Variants in TXNDC12 observed in about 807,000 individuals in gnomAD.
TXNDC12 encodes thioredoxin domain-containing protein 12.
Under a neutral mutation model 24.2 loss-of-function variants are expected in TXNDC12, and 22 were observed. That is an observed-to-expected ratio of 0.91 (90% CI 0.65 to 1.30). TXNDC12 has a LOEUF of 1.30. Ranked by LOEUF, TXNDC12 falls within the 50% of genes most tolerant of loss-of-function variation. TXNDC12 has a pLI of 0.00. For synonymous variants in TXNDC12, 58 were observed against 73.4 expected, an observed-to-expected ratio of 0.79 and a Z score of 1.07; for missense variants, 184 against 205.8, an observed-to-expected ratio of 0.89 and a Z score of 0.65.
In TXNDC12 at chr1:52,041,489, C is replaced by T. The variant is rs115176881; in HGVS notation, c.158+48G>A. 7.3e-3 allele frequency: 10,045 copies of T among 1,370,828 alleles called. 218 individuals are homozygous for T. The highest frequency in any genetic ancestry group is 0.052 in the South Asian group (4,319 of 83,146). The allele number at this position is 1,370,828 out of a possible 1,614,324, so 84.9% of individuals were successfully genotyped here. On this transcript the variant is annotated intron_variant, in intron 2 of 6. Transcript: ENST00000371626. The stretch of plus-strand genomic sequence containing the variant: ...CCTGAAATTAACGTTAAGTTGATAG[C>T]TGAAAAGTGTTTTACCACCATAAAT...
intron 2 of TXNDC12, chr1:52,033,775 G>T: frequency 1.3e-6 from 2 of 1,560,892 alleles, no homozygotes; most frequent in South Asian, 1.2e-5. Flanking sequence ...CTCAGGGAGC[G>T]ACCATTGGCA....
chr1:52,027,127 G>A (rs2124361321), intron 4 of TXNDC12, 148 bp downstream of exon 4: 1 of 542,926 alleles, frequency 1.8e-6, no homozygotes, highest in East Asian at 3.1e-5. Context: ...CATATCTGAT[G>A]CAAGCCTTAG....
At position 52,020,688 on chromosome 1, in the gene TXNDC12, T is replaced by C; in HGVS notation, c.*245A>G. On this transcript the variant is annotated 3_prime_UTR_variant, in exon 7 of 7. Transcript: ENST00000371626. ...AGAAGGTTTCATTCTTTACATTCAA[T>C]GACAAGTTGACATTTAGGTGAGAGG... 2.1e-6 allele frequency: 1 copy of C among 475,650 alleles called. No homozygotes were observed. The highest frequency in any genetic ancestry group is 3.8e-5 in the South Asian group (1 of 26,310). 29.5% of individuals were successfully genotyped at this position (475,650 alleles called of 1,614,324 possible).
chr1:52,037,220 T>A (rs979950104), intron 2 of TXNDC12, among the ~76,000 whole-genome samples: 2 of 150,990 alleles, frequency 1.3e-5, no homozygotes, highest in East Asian at 3.9e-4. Context: ...TTTTTTTTTT[T>A]TTTTTTTTTG....
chr1:52,022,377 C>T (rs557251862), intron 6 of TXNDC12, among the ~76,000 whole-genome samples: 13 of 152,278 alleles, frequency 8.5e-5, no homozygotes, highest in Admixed American at 3.9e-4. Flanking sequence ...GACTGGCTGA[C>T]GATTGCAAAC....
chr1:52,024,999 A>G (rs908478374), intron 4 of TXNDC12, among the ~76,000 whole-genome samples: 2 of 152,158 alleles, frequency 1.3e-5, no homozygotes, highest in African/African-American at 4.8e-5. Context: ...ATTTACCACC[A>G]TCTGACATAT....
chr1:52,037,869 G>C (rs1557995151), intron 2 of TXNDC12, among the ~76,000 whole-genome samples: 1 of 151,912 alleles, frequency 6.6e-6, no homozygotes, highest in Non-Finnish European at 1.5e-5. Flanking sequence ...CAAAAGAGTA[G>C]AGTTAGCCTG....
At chr1:52,039,735 G>C (rs1158111185) in intron 2 of TXNDC12, among the ~76,000 whole-genome samples, 1 of 152,124 alleles carries the variant, frequency 6.6e-6, no homozygotes, top group Non-Finnish European at 1.5e-5. Context: ...CACAATACTT[G>C]AGTTCACCTC....
chr1:52,044,965 ACT>A (rs1686062316), intron 1 of TXNDC12, among the ~76,000 whole-genome samples: 1 of 150,094 alleles, frequency 6.7e-6, no homozygotes, highest in African/African-American at 2.5e-5. Context: ...ACAGAGCAAG[ACT>A]CTGTCTCAAA....
chr1:52,022,459 G>C (rs1685611277), intron 6 of TXNDC12, among the ~76,000 whole-genome samples: 1 of 151,926 alleles, frequency 6.6e-6, no homozygotes, highest in South Asian at 2.1e-4. Context: ...TACTGACAAG[G>C]TCTTATTCTC....
intron 5 of TXNDC12, 68 bp from the exon 6 acceptor site, chr1:52,023,642 G>T: frequency 6.7e-6 from 8 of 1,192,712 alleles, no homozygotes; most frequent in Non-Finnish European, 1.0e-5. Context: ...AACACTACCT[G>T]GTACATCGGG....
Position 52,023,566 on chromosome 1 carries a change from C to G in TXNDC12, c.364G>C (p.Gly122Arg). Residue 122 changes from glycine (G) to arginine (R), a missense_variant, in exon 6 of 7, where the codon GGC (glycine) becomes CGC (arginine). Transcript: ENST00000371626. ...IPRILFLDPS[G>R]KVHPEIINEN... The stretch of plus-strand genomic sequence containing the variant: ...TTGATGATTTCAGGATGCACCTTGC[C>G]ACTGGGATCTGTTATAGACAAAATG... 1.2e-5 allele frequency: 20 copies of G among 1,613,622 alleles called. No individual in the cohort carries two copies. Among genetic ancestry groups the G allele is most frequent in the Non-Finnish European group, 1.7e-5 (20 of 1,179,636 alleles).
At chr1:52,047,710 C>G (rs773611770) in intron 1 of TXNDC12, among the ~76,000 whole-genome samples, 3 of 151,878 alleles carry the variant, frequency 2.0e-5, no homozygotes, top group Admixed American at 6.6e-5. Flanking sequence ...TGAGGCCAGT[C>G]TGGGCAACAG....
At chr1:52,051,083 C>T (rs747726767) in intron 1 of TXNDC12, 1 of 169,030 alleles carries the variant, frequency 5.9e-6, no homozygotes, top group African/African-American at 2.4e-5. Flanking sequence ...AAACATTGTC[C>T]ATCTCATAGG....
At chr1:52,037,418 G>A (rs1207638891) in intron 2 of TXNDC12, among the ~76,000 whole-genome samples, 1 of 152,004 alleles carries the variant, frequency 6.6e-6, no homozygotes, top group Non-Finnish European at 1.5e-5. Context: ...CTCCGTGTTG[G>A]TCAGGCTGGT....
intron 1 of TXNDC12, among the ~76,000 whole-genome samples, chr1:52,050,635 T>C (rs939489032): frequency 2.0e-5 from 3 of 152,206 alleles, no homozygotes; most frequent in African/African-American, 7.2e-5. Context: ...GGGAACACTG[T>C]ACCTGAGACA....
At chr1:52,052,471 C>T (rs1686231764) in intron 1 of TXNDC12, 1 of 169,492 alleles carries the variant, frequency 5.9e-6, no homozygotes, top group Non-Finnish European at 1.5e-5. Flanking sequence ...TGCATTTCCA[C>T]CTTGTTCTCT....
In TXNDC12 at chr1:52,040,489, T is replaced by C. The variant is rs548549793; in HGVS notation, c.158+1048A>G. ...GGCATGAGCCACCGCACCCAGCCAG[T>C]GTGCAGAAGTTTTGATAAATTTTAA... On this transcript the variant is annotated intron_variant, in intron 2 of 6. Coordinates refer to ENST00000371626, the MANE Select transcript of TXNDC12 (RefSeq NM_015913.4). Among the ~76,000 whole-genome samples, 63 of 152,248 alleles carry C rather than the reference T, an allele frequency of 4.1e-4. 2 individuals carry two copies. Among genetic ancestry groups the C allele is most frequent in the Admixed American group, 3.9e-4 (6 of 15,292 alleles).
intron 2 of TXNDC12, among the ~76,000 whole-genome samples, chr1:52,040,779 C>T (rs928802617): frequency 5.9e-5 from 9 of 152,064 alleles, no homozygotes; most frequent in Non-Finnish European, 1.2e-4. Flanking sequence ...ATCTGTAATC[C>T]CAGCACTTTG....
Sources: gnomAD v4.1 joint callset for allele counts (sites outside exome capture counted in the v4.1 genomes callset) on GRCh38, gnomAD v4.1.1 for gene constraint, MANE v1.5 for transcripts, NCBI Gene and HGNC (gene_info 2026-07-23, HGNC 2026-07-21) for gene names.